Variants in RBFOX1 observed in about 807,000 individuals in gnomAD.
RBFOX1 encodes the protein RNA binding fox-1 homolog 1.
RBFOX1 carries 8 observed loss-of-function variants against 57.7 expected under a neutral mutation model. The observed-to-expected ratio is 0.14, with a 90% CI of 0.08 to 0.25. RBFOX1 has a LOEUF of 0.25. RBFOX1 is among the 10% of genes least tolerant of loss of function. RBFOX1 has a pLI of 1.00. For synonymous variants in RBFOX1, 326 were observed against 222.4 expected (o/e 1.47, Z -4.15); for missense variants, 611 against 548.5 (o/e 1.11, Z -1.14).
intron 4 of RBFOX1, among the ~76,000 whole-genome samples, chr16:7,128,110 C>A (rs148848745): frequency 2.8e-4 from 43 of 152,326 alleles, no homozygotes; most frequent in African/African-American, 8.4e-4. Context: ...GGCTTACTTT[C>A]TATGAAATGG....
At chr16:6,590,176 G>A (rs1054520048) in intron 2 of RBFOX1, among the ~76,000 whole-genome samples, 4 of 152,256 alleles carry the variant, frequency 2.6e-5, no homozygotes, top group Admixed American at 6.5e-5. Flanking sequence ...AAGTTCACAT[G>A]GCATATTCAA....
chr16:6,197,335 A>G (rs1188647791), intron 1 of RBFOX1, among the ~76,000 whole-genome samples: 1 of 151,730 alleles, frequency 6.6e-6, no homozygotes, highest in African/African-American at 2.4e-5. Context: ...ACCCCTGGAC[A>G]CCCTTCATTC....
intron 5 of RBFOX1, among the ~76,000 whole-genome samples, chr16:7,571,413 A>C (rs190384985): frequency 1.1e-3 from 165 of 152,274 alleles, no homozygotes; most frequent in Middle Eastern, 3.4e-3. Context: ...CGATATCAAA[A>C]TCCAATTTCA....
chr16:6,676,675 T>A (rs2057761008), intron 3 of RBFOX1, among the ~76,000 whole-genome samples: 1 of 53,536 alleles, frequency 1.9e-5, no homozygotes, highest in African/African-American at 4.4e-5. Flanking sequence ...TTTCTTTTCT[T>A]TTTTTTTTTT....
intron 1 of RBFOX1, among the ~76,000 whole-genome samples, chr16:6,191,592 A>G (rs2097142223): frequency 6.6e-6 from 1 of 152,210 alleles, no homozygotes; most frequent in South Asian, 2.1e-4. Flanking sequence ...ATAGAGAAAT[A>G]TATAGTTGCT....
chr16:7,070,730 C>A (rs1341427613), intron 4 of RBFOX1, among the ~76,000 whole-genome samples: 1 of 152,118 alleles, frequency 6.6e-6, no homozygotes, highest in African/African-American at 2.4e-5. Context: ...GAGCATCCTG[C>A]CCTGAATGTT....
chr16:5,562,549 G>C (rs1250729185), intron 2 of RBFOX1, among the ~76,000 whole-genome samples: 12 of 152,044 alleles, frequency 7.9e-5, no homozygotes, highest in Admixed American at 7.9e-4. Context: ...GTTGGTCTTG[G>C]GATCAGAGGA....
chr16:6,360,831 A>G (rs1410390041), intron 2 of RBFOX1, among the ~76,000 whole-genome samples: 1 of 152,196 alleles, frequency 6.6e-6, no homozygotes, highest in Non-Finnish European at 1.5e-5. Flanking sequence ...ATCATTGTGA[A>G]TGGCGCCCCC....
At chr16:6,129,782 C>T (rs955104111) in intron 1 of RBFOX1, among the ~76,000 whole-genome samples, 3 of 148,378 alleles carry the variant, frequency 2.0e-5, no homozygotes, top group South Asian at 2.1e-4. Flanking sequence ...TGAAAACAGC[C>T]AGTGAAAAAG....
chr16:6,647,043 A>G (rs1338108711), intron 2 of RBFOX1, among the ~76,000 whole-genome samples: 3 of 152,088 alleles, frequency 2.0e-5, no homozygotes, highest in Non-Finnish European at 4.4e-5. Flanking sequence ...TTACTTTGTC[A>G]TAGTTCTTGT....
At chr16:5,467,136 A>G in intron 1 of RBFOX1, 5 of 1,365,680 alleles carry the variant, frequency 3.7e-6, no homozygotes, top group Middle Eastern at 1.9e-4. Context: ...GAGAAAAACA[A>G]AGCCAAAGCA....
At chr16:5,982,124 G>T (rs1009594078) in intron 4 of RBFOX1, among the ~76,000 whole-genome samples, 2 of 152,152 alleles carry the variant, frequency 1.3e-5, no homozygotes, top group Non-Finnish European at 2.9e-5. Context: ...TGGCCTGTCA[G>T]CTTCTGTGGC....
intron 3 of RBFOX1, among the ~76,000 whole-genome samples, chr16:6,948,180 C>G (rs1012328695): frequency 6.6e-6 from 1 of 151,794 alleles, no homozygotes; most frequent in Non-Finnish European, 1.5e-5. Context: ...ACCTGTAATC[C>G]CAGCACTTTG....
chr16:6,336,647 G>A (rs1030638166), intron 2 of RBFOX1, among the ~76,000 whole-genome samples: 1 of 152,036 alleles, frequency 6.6e-6, no homozygotes, highest in Non-Finnish European at 1.5e-5. Flanking sequence ...AACTTCCTTG[G>A]CCTCTGTCTC....
At chr16:6,092,604 T>A (rs1270258503) in intron 1 of RBFOX1, 1 of 152,268 alleles carries the variant, frequency 6.6e-6, no homozygotes, top group Admixed American at 6.5e-5. Context: ...GTCTTCTGCA[T>A]ATGGCTAGTC....
chr16:7,333,382 C>T (rs1226810840), intron 4 of RBFOX1, among the ~76,000 whole-genome samples: 1 of 152,182 alleles, frequency 6.6e-6, no homozygotes, highest in African/African-American at 2.4e-5. Context: ...ATTTGCTCTC[C>T]TTCTCAGCTT....
intron 1 of RBFOX1, among the ~76,000 whole-genome samples, chr16:5,257,608 A>G (rs1337399329): frequency 6.6e-6 from 1 of 152,126 alleles, no homozygotes; most frequent in East Asian, 1.9e-4. Flanking sequence ...GTTCTTGGAC[A>G]CTTCTGGAGG....
intron 3 of RBFOX1, among the ~76,000 whole-genome samples, chr16:6,922,234 T>C (rs1283871162): frequency 6.6e-6 from 1 of 152,142 alleles, no homozygotes; most frequent in Non-Finnish European, 1.5e-5. Flanking sequence ...GGCATTGGCA[T>C]CGATCTCAGA....
At chr16:6,566,914 C>CAT (rs1269867616) in intron 2 of RBFOX1, among the ~76,000 whole-genome samples, 1 of 152,130 alleles carries the variant, frequency 6.6e-6, no homozygotes, top group African/African-American at 2.4e-5. Flanking sequence ...AGTCTTTGAA[C>CAT]ATAGACCACA....
Sources: allele counts gnomAD v4.1 joint callset (sites outside exome capture counted in the v4.1 genomes callset), GRCh38; gene constraint gnomAD v4.1.1; transcripts MANE v1.5; gene names NCBI Gene and HGNC (gene_info 2026-07-23, HGNC 2026-07-21).